FRMPD4: variants seen among roughly 807,000 people sequenced by gnomAD.
The protein encoded by FRMPD4 is FERM and PDZ domain containing 4, also known as FERM and PDZ domain-containing protein 4.
Under a neutral mutation model 94.1 loss-of-function variants are expected in FRMPD4, and 22 were observed. That is an observed-to-expected ratio of 0.23 (90% CI 0.17 to 0.33). FRMPD4 has a LOEUF of 0.33. Ranked by LOEUF, FRMPD4 falls within the 10% of genes least tolerant of loss-of-function variation. FRMPD4 has a pLI of 1.00. For missense variants in FRMPD4, 1,111 were observed against 1,339.9 expected (o/e 0.83, Z 2.67); for synonymous variants, 631 against 548.6 (o/e 1.15, Z -2.10).
intron 3 of FRMPD4, among the ~76,000 whole-genome samples, chrX:12,016,537 A>G (rs1007029477): frequency 7.1e-5 from 8 of 112,216 alleles, no homozygotes; most frequent in Non-Finnish European, 1.1e-4. Flanking sequence ...ATGTTATAGA[A>G]TATTTAGTGT....
chrX:12,104,002 T>G lies in FRMPD4; in HGVS notation c.95+225984T>G, dbSNP rs187648251. On this transcript the variant is annotated intron_variant, in intron 3 of 18. Coordinates refer to the FRMPD4 transcript ENST00000640291. ...TCTGGAACTGGGAAGTCCAAGAGCATAGTACTAGCCTCTGGTGAGGGCCTT... is the reference window on the plus strand; with the variant it reads ...TCTGGAACTGGGAAGTCCAAGAGCAGAGTACTAGCCTCTGGTGAGGGCCTT... 4.3e-3 allele frequency among the ~76,000 whole-genome samples: 483 copies of G among 111,922 alleles called. 1 individual carries two copies. Among genetic ancestry groups the G allele is most frequent in the Non-Finnish European group, 5.5e-3 (295 of 53,164 alleles).
At chrX:12,069,334 C>T (rs1197596870) in intron 3 of FRMPD4, among the ~76,000 whole-genome samples, 1 of 111,037 alleles carries the variant, frequency 9.0e-6, no homozygotes, top group Non-Finnish European at 1.9e-5. Flanking sequence ...AGGGAAGCTT[C>T]GGGAGGCAGT....
chrX:12,586,726 A>G (rs2058931885), intron 2 of FRMPD4, among the ~76,000 whole-genome samples: 1 of 111,992 alleles, frequency 8.9e-6, no homozygotes, highest in African/African-American at 3.2e-5. Context: ...GGTGGGATTA[A>G]TTAGATCTTC....
At chrX:12,515,653 T>C (rs1235863667) in intron 2 of FRMPD4, among the ~76,000 whole-genome samples, 1 of 112,218 alleles carries the variant, frequency 8.9e-6, no homozygotes, top group Non-Finnish European at 1.9e-5. Context: ...CTGAGAAGAA[T>C]GTATATTCTG....
chrX:12,482,731 G>A (rs976049522), intron 1 of FRMPD4, among the ~76,000 whole-genome samples: 2 of 112,046 alleles, frequency 1.8e-5, no homozygotes, highest in South Asian at 3.7e-4. Flanking sequence ...TTAACCCAAC[G>A]TGTCTAAAAT....
chrX:12,390,187 C>T (rs1262502170), intron 1 of FRMPD4, among the ~76,000 whole-genome samples: 1 of 112,201 alleles, frequency 8.9e-6, no homozygotes, highest in Non-Finnish European at 1.9e-5. Flanking sequence ...AACTTGCCAC[C>T]ATTGTGGTTT....
intron 3 of FRMPD4, among the ~76,000 whole-genome samples, chrX:12,083,421 C>A (rs2055078098): frequency 8.9e-6 from 1 of 112,893 alleles, no homozygotes; most frequent in African/African-American, 3.2e-5. Flanking sequence ...TGCCTGGATG[C>A]CCAGGCAAAA....
chrX:12,504,696 A>G (rs1410818674), intron 2 of FRMPD4, among the ~76,000 whole-genome samples: 1 of 112,342 alleles, frequency 8.9e-6, no homozygotes, highest in East Asian at 2.8e-4. Flanking sequence ...AAGGGCTTTT[A>G]ACAGGAAAGC....
At position 11,932,658 on chromosome X, in the gene FRMPD4, G is replaced by C. The variant is rs2054128066; in HGVS notation, c.95+54640G>C. ...TGTTCTACTGTTTGAACAAAGGGAA[G>C]TACTTATGAGGACCAAAGAATAAAA... is the stretch of plus-strand genomic sequence containing the variant. On this transcript the variant is annotated intron_variant, in intron 3 of 18. Coordinates refer to the FRMPD4 transcript ENST00000640291. 2.8e-5 allele frequency among the ~76,000 whole-genome samples: 3 copies of C among 105,359 alleles called. No homozygotes were observed. In the South Asian group the frequency reaches 1.3e-3, roughly 47 times the overall value. 91.5% of individuals were successfully genotyped at this position (105,359 alleles called of 115,157 possible).
At chrX:12,203,462 G>T (rs749820669) in intron 1 of FRMPD4, among the ~76,000 whole-genome samples, 162 of 111,839 alleles carry the variant, frequency 1.4e-3, no homozygotes, top group Non-Finnish European at 2.6e-3. Context: ...TCCAGCTGCT[G>T]CCAGTGAATA....
chrX:12,171,281 A>G (rs1428153961), intron 1 of FRMPD4, among the ~76,000 whole-genome samples: 1 of 112,140 alleles, frequency 8.9e-6, no homozygotes, highest in African/African-American at 3.2e-5. Context: ...TCAGGACTTG[A>G]TGGTAGGGCC....
At chrX:12,300,203 A>G (rs760373156) in intron 1 of FRMPD4, among the ~76,000 whole-genome samples, 27 of 111,741 alleles carry the variant, frequency 2.4e-4, no homozygotes, top group Admixed American at 2.8e-4. Flanking sequence ...GGGCTAATGA[A>G]GATTTCAATG....
intron 1 of FRMPD4, among the ~76,000 whole-genome samples, chrX:11,859,088 G>A (rs1316990141): frequency 8.9e-6 from 1 of 112,004 alleles, no homozygotes; most frequent in Non-Finnish European, 1.9e-5. Flanking sequence ...TCCTCACCAT[G>A]TTCTTCAACA....
intron 3 of FRMPD4, among the ~76,000 whole-genome samples, chrX:11,909,524 G>C (rs2053985497): frequency 1.8e-5 from 2 of 108,757 alleles, no homozygotes; most frequent in South Asian, 7.7e-4. Flanking sequence ...TCGTTTTTCT[G>C]TTTCATTGAT....
At position 12,193,771 on chromosome X, in the gene FRMPD4, A is replaced by AAAGG. The variant is rs756939563; in HGVS notation, c.41+54813_41+54816dup. ...AAGAAACAGAAAGAAAGAAAGAAAGAAAGGAAGGAAGGAAGGAAGGAAGGA... is the reference window on the plus strand; with the variant it reads ...AAGAAACAGAAAGAAAGAAAGAAAGAAAGGAAGGAAGGAAGGAAGGAAGGAAGGA... On this transcript the variant is annotated intron_variant, in intron 1 of 16. Coordinates refer to ENST00000675598, the MANE Select transcript of FRMPD4 (RefSeq NM_001368397.1). Among the ~76,000 whole-genome samples the AAAGG allele has an allele frequency of 3.9e-3, 67 of 17,284 alleles. 6 individuals carry two copies. The highest frequency in any genetic ancestry group is 4.3e-3 in the Non-Finnish European group (49 of 11,428). The allele number at this position is 17,284 out of a possible 115,157, so 15.0% of individuals were successfully genotyped here.
chrX:11,906,884 C>A (rs2053971098), intron 3 of FRMPD4, among the ~76,000 whole-genome samples: 1 of 111,072 alleles, frequency 9.0e-6, no homozygotes, highest in Admixed American at 9.6e-5. Flanking sequence ...GTCTTCAAGT[C>A]TCTGCTAAAT....
chrX:11,949,055 A>G (rs1373284952), intron 3 of FRMPD4, among the ~76,000 whole-genome samples: 1 of 112,321 alleles, frequency 8.9e-6, no homozygotes, highest in Non-Finnish European at 1.9e-5. Flanking sequence ...TAAAGCTCCT[A>G]GAATCTTCTT....
chrX:12,268,501 G>A (rs946224639), intron 1 of FRMPD4, among the ~76,000 whole-genome samples: 1 of 111,813 alleles, frequency 8.9e-6, no homozygotes, highest in Non-Finnish European at 1.9e-5. Context: ...CAGAAATGAG[G>A]GTATTAACCT....
At chrX:12,347,983 A>G (rs1400352943) in intron 1 of FRMPD4, among the ~76,000 whole-genome samples, 1 of 112,144 alleles carries the variant, frequency 8.9e-6, no homozygotes, top group South Asian at 3.7e-4. Flanking sequence ...ATGTAAACAT[A>G]TATTTGATAT....
Sources: gnomAD v4.1 joint callset for allele counts (sites outside exome capture counted in the v4.1 genomes callset) on GRCh38, gnomAD v4.1.1 for gene constraint, MANE v1.5 for transcripts, NCBI Gene and HGNC (gene_info 2026-07-23, HGNC 2026-07-21) for gene names.